PRKCH: variants seen among roughly 807,000 people sequenced by gnomAD.
PRKCH encodes the protein protein kinase C eta type.
PRKCH carries 28 observed loss-of-function variants against 82.5 expected under a neutral mutation model. That is an observed-to-expected ratio of 0.34 (90% CI 0.25 to 0.47). PRKCH has a LOEUF of 0.47. Ranked by LOEUF, PRKCH falls within the 20% of genes least tolerant of loss-of-function variation. The pLI is 1.00. For missense variants in PRKCH, 705 were observed against 881.8 expected, an observed-to-expected ratio of 0.80 and a Z score of 2.54; for synonymous variants, 322 against 327.4, an observed-to-expected ratio of 0.98 and a Z score of 0.18.
At chr14:61,520,074 C>CAAAAAAAAAAAAAA (rs71992585) in intron 10 of PRKCH, among the ~76,000 whole-genome samples, 1 of 97,430 alleles carries the variant, frequency 1.0e-5, no homozygotes, top group Non-Finnish European at 2.4e-5. Context: ...CTACAGAAAC[C>CAAAAAAAAAAAAAA]AAAAAAAAAA....
intron 10 of PRKCH, among the ~76,000 whole-genome samples, chr14:61,508,658 C>T (rs1291611500): frequency 1.3e-5 from 2 of 152,126 alleles, no homozygotes; most frequent in African/African-American, 4.8e-5. Flanking sequence ...TCTTTGTGCT[C>T]CTGGTCATTT....
At chr14:61,373,866 G>T (rs2046395143) in intron 1 of PRKCH, among the ~76,000 whole-genome samples, 1 of 152,208 alleles carries the variant, frequency 6.6e-6, no homozygotes, top group East Asian at 1.9e-4. Flanking sequence ...GCCTCCCAAA[G>T]TGCTGGGATT....
intron 10 of PRKCH, among the ~76,000 whole-genome samples, chr14:61,497,266 T>C (rs1886710800): frequency 6.6e-6 from 1 of 152,174 alleles, no homozygotes. Context: ...ATCAGGTTAC[T>C]TTACCTCTCT....
intron 9 of PRKCH, among the ~76,000 whole-genome samples, chr14:61,483,000 A>G (rs908893137): frequency 1.3e-5 from 2 of 152,222 alleles, no homozygotes; most frequent in African/African-American, 4.8e-5. Flanking sequence ...AGGTGTTCAG[A>G]GCAATTGGAA....
At chr14:61,523,667 C>CT (rs1284665170) in intron 10 of PRKCH, among the ~76,000 whole-genome samples, 1 of 152,138 alleles carries the variant, frequency 6.6e-6, no homozygotes, top group Non-Finnish European at 1.5e-5. Context: ...TTCACAAAAG[C>CT]TTTTTTCCAG....
In PRKCH at chr14:61,228,313, G is replaced by GCAAT. The variant is rs750828279; in HGVS notation, c.-19+40645_-19+40646insCAAT. ...GACAGAGAGAAAAGCAATTTTTAAAGTCTAGACAGCATATTAACAACAAGG... is the reference window on the plus strand; with the variant it reads ...GACAGAGAGAAAAGCAATTTTTAAAGCAATTCTAGACAGCATATTAACAACAAGG... On this transcript the variant is annotated intron_variant, in intron 1 of 3. Coordinates refer to the PRKCH transcript ENST00000555185. Among the ~76,000 whole-genome samples, 166 of 152,300 alleles carry GCAAT rather than the reference G, an allele frequency of 1.1e-3. 1 individual carries two copies. Among genetic ancestry groups the GCAAT allele is most frequent in the Middle Eastern group, 6.8e-3 (2 of 294 alleles).
chr14:61,449,990 T>C (rs1884425070), intron 5 of PRKCH, among the ~76,000 whole-genome samples: 1 of 152,112 alleles, frequency 6.6e-6, no homozygotes, highest in Non-Finnish European at 1.5e-5. Flanking sequence ...GCATACATTT[T>C]AAATTCTAGA....
intron 1 of PRKCH, among the ~76,000 whole-genome samples, chr14:61,188,573 T>TAG (rs2044382417): frequency 1.4e-5 from 1 of 73,682 alleles, no homozygotes; most frequent in Non-Finnish European, 2.8e-5. Context: ...GACGTTGCTG[T>TAG]AGTGTGTGTG....
chr14:61,208,857 A>G (rs2044547451), intron 1 of PRKCH, among the ~76,000 whole-genome samples: 1 of 152,120 alleles, frequency 6.6e-6, no homozygotes, highest in Non-Finnish European at 1.5e-5. Flanking sequence ...TAACCCCAAT[A>G]TGATGGTATT....
chr14:61,327,196 A>T (rs1233553818), intron 1 of PRKCH: 1 of 452,970 alleles, frequency 2.2e-6, no homozygotes, highest in East Asian at 7.0e-5. Flanking sequence ...CTGTTTTGTA[A>T]TCAGTCCTGT....
At chr14:61,545,548 G>A (rs1272382807) in intron 12 of PRKCH, among the ~76,000 whole-genome samples, 1 of 152,196 alleles carries the variant, frequency 6.6e-6, no homozygotes, top group Non-Finnish European at 1.5e-5. Context: ...TTGTTTGTGT[G>A]TGTGTGTGTT....
At chr14:61,495,695 C>G (rs1886639874) in intron 10 of PRKCH, among the ~76,000 whole-genome samples, 1 of 152,136 alleles carries the variant, frequency 6.6e-6, no homozygotes, top group Non-Finnish European at 1.5e-5. Flanking sequence ...TTGTTGGGCA[C>G]TCACTGTGTA....
rs536862390 is a variant in PRKCH at position 61,516,328 on chromosome 14, C to T, written c.1434-12747C>T. 3.9e-5 allele frequency among the ~76,000 whole-genome samples: 6 copies of T among 152,276 alleles called. No homozygotes were observed. In the East Asian group the frequency reaches 1.2e-3, roughly 29 times the overall value. On this transcript the variant is annotated intron_variant, in intron 10 of 13. Coordinates refer to ENST00000332981, the MANE Select transcript of PRKCH (RefSeq NM_006255.5). The stretch of plus-strand genomic sequence containing the variant: ...AGAATGTTAGTCCAGTCATCTGCTA[C>T]TTTTGCTAGCATGTATGGTGGTGAC...
intron 10 of PRKCH, among the ~76,000 whole-genome samples, chr14:61,521,469 A>G (rs1361277117): frequency 6.6e-6 from 1 of 152,198 alleles, no homozygotes. Flanking sequence ...CAAGAGTATC[A>G]TATCACATAG....
At chr14:61,442,714 T>A (rs1039423296) in intron 2 of PRKCH, 2 of 154,758 alleles carry the variant, frequency 1.3e-5, no homozygotes, top group African/African-American at 4.8e-5. Flanking sequence ...AAGGATCACC[T>A]GAACCTGGGA....
intron 10 of PRKCH, among the ~76,000 whole-genome samples, chr14:61,489,249 A>G (rs1886358692): frequency 6.6e-6 from 1 of 152,108 alleles, no homozygotes; most frequent in Admixed American, 6.5e-5. Context: ...GATGCCTCTG[A>G]CCTATCCAAA....
At chr14:61,192,755 T>C (rs2044414795) in intron 1 of PRKCH, among the ~76,000 whole-genome samples, 2 of 152,214 alleles carry the variant, frequency 1.3e-5, no homozygotes. Flanking sequence ...CAACCAAATG[T>C]TGATAAGGGT....
chr14:61,500,887 G>C (rs1020684023), intron 10 of PRKCH, among the ~76,000 whole-genome samples: 1 of 152,020 alleles, frequency 6.6e-6, no homozygotes, highest in African/African-American at 2.4e-5. Flanking sequence ...TCCTTCAAAT[G>C]GTCCATCTCA....
chr14:61,401,019 C>T lies in PRKCH; in HGVS notation c.427+9731C>T, dbSNP rs1000496209. Among the ~76,000 whole-genome samples, 3 of 152,098 alleles carry T rather than the reference C, an allele frequency of 2.0e-5. No homozygotes were observed. The East Asian group carries it at 5.8e-4, about 29-fold the overall frequency. Reference sequence around the variant, plus strand: ...TTATTCCATCTTAGAGGAAAACTGTCCTCAGGATAGCATAATCCCACCCTC... The same window carrying T: ...TTATTCCATCTTAGAGGAAAACTGTTCTCAGGATAGCATAATCCCACCCTC... On this transcript the variant is annotated intron_variant, in intron 2 of 13. Transcript: ENST00000332981.
Sources: allele counts gnomAD v4.1 joint callset (sites outside exome capture counted in the v4.1 genomes callset), GRCh38; gene constraint gnomAD v4.1.1; transcripts MANE v1.5; gene names NCBI Gene and HGNC (gene_info 2026-07-23, HGNC 2026-07-21).